Variants in SYNPR observed in about 807,000 individuals in gnomAD.
The protein encoded by SYNPR is synaptoporin.
SYNPR carries 23 observed loss-of-function variants against 32.9 expected under a neutral mutation model. The observed-to-expected ratio is 0.70, with a 90% CI of 0.50 to 0.99. The LOEUF (loss-of-function observed/expected upper bound fraction) is 0.99, where lower values mean the gene tolerates loss of function less well. Among genes scored for constraint, SYNPR ranks in the 50% least tolerant of loss-of-function variants. The pLI, the probability that SYNPR is intolerant of heterozygous loss-of-function variation, is 0.00. For missense variants in SYNPR, 318 were observed against 349.3 expected (o/e 0.91, Z 0.71); for synonymous variants, 146 against 135.9 (o/e 1.07, Z -0.52).
intron 2 of SYNPR, among the ~76,000 whole-genome samples, chr3:63,444,962 C>A (rs4398427): frequency 0.88 from 132,090 of 149,280 alleles, 58,634 homozygotes; most frequent in African/African-American, 0.92. Context: ...GGAAAAAAAA[C>A]AAAACAAAAC....
At chr3:63,556,273 C>T (rs1368113911) in intron 3 of SYNPR, among the ~76,000 whole-genome samples, 2 of 152,196 alleles carry the variant, frequency 1.3e-5, no homozygotes, top group Non-Finnish European at 2.9e-5. Flanking sequence ...TCTAATTTAT[C>T]ATGATTTCAG....
intron 4 of SYNPR, among the ~76,000 whole-genome samples, chr3:63,596,540 C>A (rs187271229): frequency 6.6e-6 from 1 of 152,030 alleles, no homozygotes; most frequent in Admixed American, 6.6e-5. Context: ...CCCTGTGGGC[C>A]GCCCACCTCC....
chr3:63,478,457 C>T (rs886749967), intron 2 of SYNPR, among the ~76,000 whole-genome samples: 4 of 152,232 alleles, frequency 2.6e-5, no homozygotes, highest in Non-Finnish European at 4.4e-5. Context: ...TTAAGCTTCA[C>T]GCACACATGC....
At chr3:63,488,685 ATTG>A (rs1276017288) in intron 3 of SYNPR, among the ~76,000 whole-genome samples, 1 of 144,506 alleles carries the variant, frequency 6.9e-6, no homozygotes, top group Non-Finnish European at 1.5e-5. Flanking sequence ...AGTTGCTATC[ATTG>A]TTGTTGTTGT....
intron 3 of SYNPR, among the ~76,000 whole-genome samples, chr3:63,503,820 C>A (rs1321337015): frequency 1.3e-5 from 2 of 151,898 alleles, no homozygotes; most frequent in Non-Finnish European, 2.9e-5. Context: ...TATGTATAAT[C>A]TTAAAGGACA....
chr3:63,387,648 A>G (rs1199786425), intron 2 of SYNPR, among the ~76,000 whole-genome samples: 1 of 152,258 alleles, frequency 6.6e-6, no homozygotes, highest in Non-Finnish European at 1.5e-5. Flanking sequence ...ACACTCAGTC[A>G]TAGCTACAGA....
At chr3:63,289,671 A>G (rs902615311) in intron 2 of SYNPR, among the ~76,000 whole-genome samples, 4 of 152,154 alleles carry the variant, frequency 2.6e-5, no homozygotes, top group African/African-American at 7.2e-5. Context: ...TTACGGATCG[A>G]ATTTCAACTT....
chr3:63,276,066 T>C (rs2086572114), upstream of SYNPR, among the ~76,000 whole-genome samples: 1 of 152,214 alleles, frequency 6.6e-6, no homozygotes, highest in Admixed American at 6.5e-5. Context: ...CAAGGTCTGG[T>C]TGCAGATCTG....
chr3:63,204,440 C>T, the SYNPR span, among the ~76,000 whole-genome samples: 1 of 152,110 alleles, frequency 6.6e-6, no homozygotes, highest in African/African-American at 2.4e-5. Flanking sequence ...GATTAAAGGC[C>T]CACCCTACTC....
intron 2 of SYNPR, among the ~76,000 whole-genome samples, chr3:63,342,119 G>A (rs2087377771): frequency 6.6e-6 from 1 of 152,154 alleles, no homozygotes; most frequent in Admixed American, 6.5e-5. Flanking sequence ...TGAAAACACT[G>A]TCTTCCTCCA....
chr3:63,266,472 G>A (rs1468076873), intron 2 of SYNPR, among the ~76,000 whole-genome samples: 1 of 151,928 alleles, frequency 6.6e-6, no homozygotes, highest in African/African-American at 2.4e-5. Flanking sequence ...GGAGGCCAAG[G>A]TGGGCAAATC....
intron 2 of SYNPR, among the ~76,000 whole-genome samples, chr3:63,375,332 C>A (rs1265274631): frequency 6.6e-6 from 1 of 152,156 alleles, no homozygotes; most frequent in Admixed American, 6.5e-5. Flanking sequence ...AAATGTCCAT[C>A]AATGATAGAC....
chr3:63,604,022 C>T (rs1700081997), intron 4 of SYNPR, among the ~76,000 whole-genome samples: 2 of 152,094 alleles, frequency 1.3e-5, no homozygotes, highest in African/African-American at 4.8e-5. Flanking sequence ...GAGTCAATTT[C>T]AGAAGTCATT....
intron 2 of SYNPR, among the ~76,000 whole-genome samples, chr3:63,262,583 T>G (rs1466669161): frequency 6.6e-6 from 1 of 152,124 alleles, no homozygotes; most frequent in Non-Finnish European, 1.5e-5. Flanking sequence ...GGCCCAACAG[T>G]GGTGGAAATG....
intron 2 of SYNPR, among the ~76,000 whole-genome samples, chr3:63,435,040 T>C (rs1230262276): frequency 2.0e-5 from 3 of 152,286 alleles, no homozygotes; most frequent in Admixed American, 1.3e-4. Context: ...CCAGAAATTA[T>C]ACAACTGAAA....
At chr3:63,425,217 G>T (rs1292819952) in intron 2 of SYNPR, among the ~76,000 whole-genome samples, 1 of 152,130 alleles carries the variant, frequency 6.6e-6, no homozygotes, top group Admixed American at 6.6e-5. Flanking sequence ...CATTTTGGGG[G>T]GAAATGAGCA....
the SYNPR span, among the ~76,000 whole-genome samples, chr3:63,208,961 A>G: frequency 1.6e-4 from 24 of 152,204 alleles, no homozygotes; most frequent in Non-Finnish European, 3.1e-4. Context: ...ACACTTTTAT[A>G]GTATCCACAG....
intron 2 of SYNPR, among the ~76,000 whole-genome samples, chr3:63,381,265 A>G (rs951779707): frequency 3.9e-5 from 6 of 152,220 alleles, no homozygotes; most frequent in Non-Finnish European, 7.3e-5. Flanking sequence ...AATAACAGAC[A>G]AACAGAGAGC....
chr3:63,308,187 TTTTATTGTGGGCTCA>T (rs1241923404), intron 2 of SYNPR, among the ~76,000 whole-genome samples: 1 of 152,040 alleles, frequency 6.6e-6, no homozygotes, highest in African/African-American at 2.4e-5. Context: ...TGTTGGAACT[TTTTATTGTGGGCTCA>T]TTTATTGTGG....
Sources: gnomAD v4.1 joint callset for allele counts (sites outside exome capture counted in the v4.1 genomes callset) on GRCh38, gnomAD v4.1.1 for gene constraint, MANE v1.5 for transcripts, NCBI Gene and HGNC (gene_info 2026-07-23, HGNC 2026-07-21) for gene names.